FBXW11: variants seen among roughly 807,000 people sequenced by gnomAD.
The protein encoded by FBXW11 is F-box/WD repeat-containing protein 11.
FBXW11 carries 19 observed loss-of-function variants against 77.6 expected under a neutral mutation model. The observed-to-expected ratio is 0.24, with a 90% CI of 0.17 to 0.36. The LOEUF is 0.36. Ranked by LOEUF, FBXW11 falls within the 10% of genes least tolerant of loss-of-function variation. The pLI is 1.00. For missense variants in FBXW11, 334 were observed against 704.2 expected (o/e 0.47, Z 5.95); for synonymous variants, 235 against 249.4 (o/e 0.94, Z 0.54).
intron 4 of FBXW11, among the ~76,000 whole-genome samples, chr5:171,901,881 AGTG>A (rs1303872366): frequency 6.6e-6 from 1 of 152,196 alleles, no homozygotes. Context: ...CACCCAGAAG[AGTG>A]GGTATTCCAC....
intron 3 of FBXW11, among the ~76,000 whole-genome samples, chr5:171,912,562 T>C (rs886817827): frequency 3.3e-5 from 5 of 152,290 alleles, no homozygotes; most frequent in South Asian, 4.1e-4. Flanking sequence ...AAACAAATTC[T>C]AACTCATCAC....
chr5:171,945,892 C>T (rs1459787234), intron 2 of FBXW11, among the ~76,000 whole-genome samples: 2 of 152,186 alleles, frequency 1.3e-5, no homozygotes, highest in African/African-American at 4.8e-5. Flanking sequence ...AGTGTGGCCT[C>T]CTTCCAATCT....
At chr5:171,965,904 C>T (rs543312849) in intron 1 of FBXW11, among the ~76,000 whole-genome samples, 1 of 152,110 alleles carries the variant, frequency 6.6e-6, no homozygotes, top group South Asian at 2.1e-4. Context: ...TGGGGGTAGA[C>T]GTCCCCCTTG....
At chr5:171,945,243 G>A (rs969747297) in intron 2 of FBXW11, among the ~76,000 whole-genome samples, 12 of 152,240 alleles carry the variant, frequency 7.9e-5, no homozygotes, top group African/African-American at 2.9e-4. Flanking sequence ...ATCTGATCAT[G>A]CAAGCTACTG....
At chr5:171,901,400 A>G (rs975480823) in intron 4 of FBXW11, among the ~76,000 whole-genome samples, 4 of 152,334 alleles carry the variant, frequency 2.6e-5, no homozygotes, top group African/African-American at 9.6e-5. Flanking sequence ...GATTCTGAAA[A>G]TATCAAAATG....
At position 171,876,639 on chromosome 5, in the gene FBXW11, T is replaced by C; in HGVS notation, c.972-105A>G. The C allele has an allele frequency of 7.1e-7, 1 of 1,401,812 alleles. No individual in the cohort carries two copies. Among genetic ancestry groups the C allele is most frequent in the Non-Finnish European group, 9.8e-7 (1 of 1,023,540 alleles). The allele number at this position is 1,401,812 out of a possible 1,614,324, so 86.8% of individuals were successfully genotyped here. A position where few individuals can be genotyped will look rare whatever the true frequency, so the allele number is the denominator to read the frequency against. On this transcript the variant is annotated intron_variant, in intron 8 of 13. Coordinates refer to ENST00000517395, the MANE Select transcript of FBXW11 (RefSeq NM_001378974.1). This position sits in a 1 kb window ranked among gnomAD's most constrained non-coding sequence, Gnocchi z 4.2. Reference sequence around the variant, plus strand: ...TCTGCAATGGTTTGGATATAGTTTGTCTGACTCTACCAAATCTCATGTTGA... The same window carrying C: ...TCTGCAATGGTTTGGATATAGTTTGCCTGACTCTACCAAATCTCATGTTGA...
chr5:171,891,361 G>A (rs1239548255), intron 7 of FBXW11, 106 bp downstream of exon 7: 1 of 1,047,430 alleles, frequency 9.5e-7, no homozygotes, highest in Non-Finnish European at 1.3e-6. Flanking sequence ...AAGATTGAGT[G>A]GAAGAGATAA....
At position 171,914,466 on chromosome 5, in the gene FBXW11, C is replaced by T. The variant is rs1761102060; in HGVS notation, c.148-61G>A. On this transcript the variant is annotated intron_variant, in intron 2 of 13. Coordinates refer to ENST00000517395, the MANE Select transcript of FBXW11 (RefSeq NM_001378974.1). ...AAGTTTTGCAAATCCTAAATAACTA[C>T]AATAAATAATTTTGAAAACCCAAAC... The T allele has an allele frequency of 2.8e-6, 4 of 1,411,234 alleles. No individual in the cohort carries two copies. In the East Asian group the frequency reaches 1.0e-4, roughly 36 times the overall value. The allele number at this position is 1,411,234 out of a possible 1,614,324, so 87.4% of individuals were successfully genotyped here. A position where few individuals can be genotyped will look rare whatever the true frequency, so the allele number is the denominator to read the frequency against.
chr5:171,901,317 C>T (rs1185905242), intron 4 of FBXW11, among the ~76,000 whole-genome samples: 1 of 152,154 alleles, frequency 6.6e-6, no homozygotes, highest in Non-Finnish European at 1.5e-5. Flanking sequence ...TGTTGAAAGG[C>T]CAGATGTAGG....
chr5:171,916,158 G>C (rs567032384), intron 2 of FBXW11, among the ~76,000 whole-genome samples: 144 of 150,358 alleles, frequency 9.6e-4, no homozygotes, highest in Middle Eastern at 3.4e-3. Flanking sequence ...TTAATGGGTG[G>C]AGCATACCAA....
intron 2 of FBXW11, among the ~76,000 whole-genome samples, chr5:171,915,677 G>A (rs1761184236): frequency 7.1e-6 from 1 of 141,436 alleles, no homozygotes; most frequent in African/African-American, 2.5e-5. Flanking sequence ...TTTTACCATG[G>A]GAACAAATAC....
chr5:171,943,805 CA>C (rs1428531735), intron 2 of FBXW11, among the ~76,000 whole-genome samples: 2 of 152,124 alleles, frequency 1.3e-5, no homozygotes, highest in Non-Finnish European at 2.9e-5. Context: ...TCAAACTGCT[CA>C]GGGGAAAGAG....
At chr5:171,913,824 C>CACACACACACACACAT (rs1561677686) in intron 3 of FBXW11, among the ~76,000 whole-genome samples, 32 of 102,832 alleles carry the variant, frequency 3.1e-4, no homozygotes, top group African/African-American at 1.5e-3. Flanking sequence ...CACATACACA[C>CACACACACACACACAT]ACACACACAC....
chr5:171,915,004 T>C (rs900066333), intron 2 of FBXW11, among the ~76,000 whole-genome samples: 8 of 152,224 alleles, frequency 5.3e-5, no homozygotes, highest in African/African-American at 1.9e-4. Context: ...AGCTTTTGAT[T>C]TTTGTGCTTA....
At chr5:171,978,043 TTCAGCTCAAC>T (rs1488189744) in intron 1 of FBXW11, among the ~76,000 whole-genome samples, 1 of 152,064 alleles carries the variant, frequency 6.6e-6, no homozygotes, top group African/African-American at 2.4e-5. Flanking sequence ...GAGTTGACAC[TTCAGCTCAAC>T]TCTAAAGGAC....
intron 4 of FBXW11, among the ~76,000 whole-genome samples, chr5:171,910,310 C>T (rs537020690): frequency 1.3e-5 from 2 of 152,222 alleles, no homozygotes; most frequent in South Asian, 4.1e-4. Flanking sequence ...AAGTGATCCA[C>T]CTGCCTTAGC....
Position 171,878,598 on chromosome 5 carries a change from G to C in FBXW11, c.853-469C>G, listed in dbSNP as rs28626527. ...TGTGTGTGTGTGTGTGTGTAAGAGA[G>C]AGAGAGTGTGTGTGTGTGTGTGTGT... On this transcript the variant is annotated intron_variant, in intron 7 of 13. Transcript: ENST00000517395. 5.6e-3 allele frequency among the ~76,000 whole-genome samples: 354 copies of C among 63,388 alleles called. 3 individuals carry two copies. Among genetic ancestry groups the C allele is most frequent in the South Asian group, 9.7e-3 (13 of 1,346 alleles). 41.6% of individuals were successfully genotyped at this position (63,388 alleles called of 152,430 possible). A position where few individuals can be genotyped will look rare whatever the true frequency, so the allele number is the denominator to read the frequency against.
chr5:171,896,466 G>A (rs773659897), intron 6 of FBXW11, among the ~76,000 whole-genome samples: 7 of 151,932 alleles, frequency 4.6e-5, no homozygotes, highest in Admixed American at 2.0e-4. Context: ...TTTTTTCAAC[G>A]AACAGTCAAG....
intron 13 of FBXW11, among the ~76,000 whole-genome samples, chr5:171,865,366 A>C (rs73328091): frequency 0.042 from 6,380 of 152,220 alleles, 413 homozygotes; most frequent in African/African-American, 0.14. Flanking sequence ...AAAGATGATA[A>C]AGGGTTGGAC....
Sources: allele counts gnomAD v4.1 joint callset (sites outside exome capture counted in the v4.1 genomes callset), GRCh38; gene constraint gnomAD v4.1.1; non-coding constraint Gnocchi (gnomAD v3.1); transcripts MANE v1.5; gene names NCBI Gene and HGNC (gene_info 2026-07-23, HGNC 2026-07-21).